The following MYOCD variants were observed in gnomAD, a reference collection of about 807,000 sequenced individuals.
MYOCD encodes myocardin.
A neutral mutation model predicts 96.1 loss-of-function variants in MYOCD; 32 were observed. The ratio of observed to expected loss-of-function variants is 0.33; its 90% CI spans 0.25 to 0.45. The LOEUF (loss-of-function observed/expected upper bound fraction) is 0.45, where lower values mean the gene tolerates loss of function less well. MYOCD is among the 20% of genes least tolerant of loss of function. The pLI is 1.00. For missense variants in MYOCD, 1,133 were observed against 1,200.6 expected (o/e 0.94, Z 0.83); for synonymous variants, 469 against 469.0 (o/e 1.00, Z 0.00).
At chr17:12,694,660 A>G (rs1405010040) in intron 1 of MYOCD, among the ~76,000 whole-genome samples, 1 of 152,136 alleles carries the variant, frequency 6.6e-6, no homozygotes, top group East Asian at 1.9e-4. Context: ...GAAGATCAGA[A>G]CAACCTTTTA....
At chr17:12,694,501 G>A (rs1022794435) in intron 1 of MYOCD, among the ~76,000 whole-genome samples, 1 of 152,172 alleles carries the variant, frequency 6.6e-6, no homozygotes, top group Non-Finnish European at 1.5e-5. Flanking sequence ...AGATCATCCA[G>A]GACTTAGCTC....
intron 5 of MYOCD, among the ~76,000 whole-genome samples, chr17:12,723,398 C>G (rs148943292): frequency 6.6e-6 from 1 of 152,206 alleles, no homozygotes; most frequent in African/African-American, 2.4e-5. Flanking sequence ...ACTAGAAAAC[C>G]CGGACCCTAG....
At chr17:12,679,595 T>C (rs971821018) in intron 1 of MYOCD, among the ~76,000 whole-genome samples, 1 of 152,186 alleles carries the variant, frequency 6.6e-6, no homozygotes, top group African/African-American at 2.4e-5. Context: ...ATATATAACA[T>C]ATATATAGTA....
chr17:12,717,804 A>G (rs16946506), intron 4 of MYOCD, among the ~76,000 whole-genome samples: 3,060 of 152,300 alleles, frequency 0.02, 145 homozygotes, highest in Admixed American at 0.11. Flanking sequence ...TCTCCAGGTA[A>G]TTGATTGTCC....
intron 1 of MYOCD, among the ~76,000 whole-genome samples, chr17:12,681,608 T>C (rs1178390916): frequency 6.6e-6 from 1 of 152,186 alleles, no homozygotes; most frequent in East Asian, 1.9e-4. Context: ...TGCCCAGCAC[T>C]AGATGCTGGC....
chr17:12,713,430 T>G (rs897905845), intron 2 of MYOCD, among the ~76,000 whole-genome samples: 1 of 152,186 alleles, frequency 6.6e-6, no homozygotes, highest in Non-Finnish European at 1.5e-5. Flanking sequence ...CCAATTGTGT[T>G]TGGAATGTCA....
chr17:12,737,263 G>GA (rs200692645), intron 6 of MYOCD, among the ~76,000 whole-genome samples: 2 of 150,482 alleles, frequency 1.3e-5, no homozygotes, highest in African/African-American at 2.4e-5. Context: ...CTCAAAGGGG[G>GA]AAAAAAAAAG....
chr17:12,705,955 G>A (rs1238809824), intron 2 of MYOCD: 1 of 152,218 alleles, frequency 6.6e-6, no homozygotes, highest in Non-Finnish European at 1.5e-5. Flanking sequence ...ACAACAAGCA[G>A]AAGTTTGCCC....
intron 7 of MYOCD, 28 bp from the exon 8 acceptor site, chr17:12,744,155 A>T (rs2032591046): frequency 6.2e-7 from 1 of 1,610,066 alleles, no homozygotes; most frequent in Non-Finnish European, 8.5e-7. Flanking sequence ...CACCTAAAGC[A>T]CATGCAATTT....
intron 7 of MYOCD, among the ~76,000 whole-genome samples, chr17:12,741,881 T>C (rs923656443): frequency 1.3e-5 from 2 of 151,932 alleles, no homozygotes; most frequent in African/African-American, 2.4e-5. Flanking sequence ...TTTCTTCTGC[T>C]TGGTCAACAA....
chr17:12,701,131 T>C lies in MYOCD; in HGVS notation c.56-3997T>C, dbSNP rs115969989. 9.3e-4 allele frequency among the ~76,000 whole-genome samples: 142 copies of C among 152,308 alleles called. 1 individual carries two copies. The highest frequency in any genetic ancestry group is 3.3e-3 in the African/African-American group (139 of 41,572). On this transcript the variant is annotated intron_variant, in intron 1 of 13. Transcript: ENST00000425538. ...TAACACATTTTTTTAGTCCTGTTATTGATAAATTTTATTCTCTACCTTTAT... is the reference window on the plus strand; with the variant it reads ...TAACACATTTTTTTAGTCCTGTTATCGATAAATTTTATTCTCTACCTTTAT...
At chr17:12,748,787 C>T (rs574582086) in intron 9 of MYOCD, among the ~76,000 whole-genome samples, 1 of 152,116 alleles carries the variant, frequency 6.6e-6, no homozygotes, top group African/African-American at 2.4e-5. Context: ...TAATGAGTTG[C>T]CATTTTGTAC....
intron 5 of MYOCD, among the ~76,000 whole-genome samples, chr17:12,729,194 G>A (rs2032093650): frequency 6.6e-6 from 1 of 152,180 alleles, no homozygotes; most frequent in Admixed American, 6.5e-5. Context: ...ATTCCATCAT[G>A]AGAAATAATT....
chr17:12,712,063 A>G (rs1249266032), intron 2 of MYOCD, among the ~76,000 whole-genome samples: 2 of 151,382 alleles, frequency 1.3e-5, no homozygotes, highest in Non-Finnish European at 2.9e-5. Context: ...GGGTTTCACC[A>G]TCTTGGCCAG....
At chr17:12,684,226 T>G (rs2029967921) in intron 1 of MYOCD, among the ~76,000 whole-genome samples, 4 of 152,152 alleles carry the variant, frequency 2.6e-5, no homozygotes, top group Admixed American at 2.0e-4. Flanking sequence ...TCCTTATCCA[T>G]GGATCATGAT....
chr17:12,715,200 C>T (rs145115306), intron 2 of MYOCD, among the ~76,000 whole-genome samples: 3 of 152,254 alleles, frequency 2.0e-5, no homozygotes, highest in Non-Finnish European at 2.9e-5. Flanking sequence ...CAAACCAGAG[C>T]GTTATTTCTG....
intron 3 of MYOCD, among the ~76,000 whole-genome samples, chr17:12,717,049 A>G (rs2031668476): frequency 1.3e-5 from 2 of 151,090 alleles, no homozygotes; most frequent in Admixed American, 6.6e-5. Flanking sequence ...ATTATAATAC[A>G]AACAGCCTAG....
rs1293015128 is a variant in MYOCD, at chr17:12,717,385, A to G, written c.217A>G (p.Asn73Asp). 3 of 1,614,106 alleles carry G rather than the reference A, an allele frequency of 1.9e-6. No individual in the cohort carries two copies. The highest frequency in any genetic ancestry group is 4.5e-5 in the East Asian group (2 of 44,882). ...GAAGCGCAAAGCCAGAAACAGGTGC[A>G]ACAGTGCCGACTTGGTTAATATGCA... ...SLKRKARNRCNSADLVNMHIL... is the reference protein window; with the variant it reads ...SLKRKARNRCDSADLVNMHIL... The change falls in exon 4 of 14, where the codon AAC (asparagine) becomes GAC (aspartate). Residue 73 changes from asparagine to aspartate, a missense_variant. By Grantham distance (23) the Asn-to-Asp change is conservative. Transcript: ENST00000425538.
intron 1 of MYOCD, among the ~76,000 whole-genome samples, chr17:12,700,475 G>A (rs981455123): frequency 2.7e-4 from 36 of 132,598 alleles, no homozygotes; most frequent in East Asian, 1.6e-3. Flanking sequence ...GTGCAGTGGC[G>A]CGATCTCAGC....
Sources: allele counts gnomAD v4.1 joint callset (sites outside exome capture counted in the v4.1 genomes callset), GRCh38; gene constraint gnomAD v4.1.1; transcripts MANE v1.5; gene names NCBI Gene and HGNC (gene_info 2026-07-23, HGNC 2026-07-21).